Variants in RS1 observed in about 807,000 individuals in gnomAD.
RS1 encodes retinoschisin.
A neutral mutation model predicts 20.8 loss-of-function variants in RS1; 2 were observed. The ratio of observed to expected loss-of-function variants is 0.10; its 90% CI spans 0.04 to 0.30. The LOEUF (loss-of-function observed/expected upper bound fraction) is 0.30. Among genes scored for constraint, RS1 ranks in the 10% least tolerant of loss-of-function variants. The pLI is 1.00. For missense variants in RS1, 151 were observed against 189.8 expected (o/e 0.80, Z 1.20); for synonymous variants, 70 against 75.8 (o/e 0.92, Z 0.40).
At chrX:18,670,970 A>G (rs1231312180) in intron 1 of RS1, among the ~76,000 whole-genome samples, 2 of 111,987 alleles carry the variant, frequency 1.8e-5, no homozygotes, top group Non-Finnish European at 3.8e-5. Context: ...TCAGCCTGGG[A>G]AACATGGTGA....
intron 3 of RS1, among the ~76,000 whole-genome samples, chrX:18,648,246 CT>C (rs373474294): frequency 6.6e-5 from 7 of 106,203 alleles, no homozygotes; most frequent in South Asian, 8.3e-4. Context: ...CCTTCTTCTC[CT>C]TTTTTTTTTC....
chrX:18,648,116 C>T (rs752023192), intron 3 of RS1, among the ~76,000 whole-genome samples: 3 of 111,139 alleles, frequency 2.7e-5, no homozygotes, highest in South Asian at 3.9e-4. Flanking sequence ...GCAGGAGAAT[C>T]GCTTGAACCC....
At chrX:18,657,729 C>T (rs1426704233) in intron 1 of RS1, 64 bp from the exon 2 acceptor site, 89 of 907,402 alleles carry the variant, frequency 9.8e-5, no homozygotes, top group African/African-American at 9.8e-5. Context: ...CAGCATCACT[C>T]GTTACATGGA....
rs1927511144 is a variant in RS1 at position 18,640,054 on chromosome X, A to T, written c.*1950T>A. ...GGGTGCAGGATTTCTCTTTGGGGTG[A>T]TAAACTTTCTAAAATTGATCTAGTG... On this transcript the variant is annotated 3_prime_UTR_variant, in exon 6 of 6. Coordinates refer to ENST00000379984, the MANE Select transcript of RS1 (RefSeq NM_000330.4). 9.0e-6 allele frequency: 1 copy of T among 111,396 alleles called. No homozygotes were observed. The highest frequency in any genetic ancestry group is 3.3e-5 in the African/African-American group (1 of 30,559). 9.2% of individuals were successfully genotyped at this position (111,396 alleles called of 1,213,427 possible).
intron 4 of RS1, 46 bp from the exon 5 acceptor site, chrX:18,644,671 T>G (rs776962681): frequency 1.7e-6 from 2 of 1,174,257 alleles, no homozygotes; most frequent in East Asian, 6.0e-5. Flanking sequence ...CCTGTGCATG[T>G]CTGCAAAAAG....
chrX:18,642,398 A>G (rs1231602485), intron 5 of RS1, among the ~76,000 whole-genome samples: 1 of 111,882 alleles, frequency 8.9e-6, no homozygotes, highest in Non-Finnish European at 1.9e-5. Context: ...TTACACTTCA[A>G]TTAATTAAAA....
chrX:18,656,874 T>C (rs1928225449), intron 2 of RS1, 116 bp from the exon 3 acceptor site: 1 of 570,697 alleles, frequency 1.8e-6, no homozygotes, highest in African/African-American at 2.3e-5. Context: ...TTTGCTACAA[T>C]GGCCAAATTG....
At chrX:18,645,711 A>G (rs181778845) in intron 4 of RS1, among the ~76,000 whole-genome samples, 1 of 111,156 alleles carries the variant, frequency 9.0e-6, no homozygotes, top group Non-Finnish European at 1.9e-5. Flanking sequence ...TTTTCTTAAA[A>G]CACAAATGTG....
At chrX:18,650,328 T>C in intron 3 of RS1, 1 of 951,173 alleles carries the variant, frequency 1.1e-6, no homozygotes, top group Non-Finnish European at 1.5e-6. Flanking sequence ...CACTGTCACC[T>C]TGGCTTCAGC....
At chrX:18,650,029 G>T in intron 3 of RS1, 1 of 266,432 alleles carries the variant, frequency 3.8e-6, no homozygotes, top group South Asian at 4.1e-5. Context: ...GTAGGCAGAG[G>T]GGAAGGGAAA....
At chrX:18,662,161 A>G (rs1203300458) in intron 1 of RS1, among the ~76,000 whole-genome samples, 1 of 112,404 alleles carries the variant, frequency 8.9e-6, no homozygotes, top group Admixed American at 9.4e-5. Context: ...TGGACTTCCC[A>G]GCCTCCAGTA....
chrX:18,658,779 C>CA (rs1391260901), intron 1 of RS1, among the ~76,000 whole-genome samples: 27 of 94,917 alleles, frequency 2.8e-4, no homozygotes, highest in Non-Finnish European at 5.2e-4. Context: ...TTTATTAAAT[C>CA]TTCATCATCA....
intron 1 of RS1, among the ~76,000 whole-genome samples, chrX:18,663,360 T>C (rs1461569858): frequency 1.9e-5 from 1 of 53,454 alleles, no homozygotes; most frequent in African/African-American, 5.8e-5. Context: ...TTTTTTTTTT[T>C]TGAGACAGGG....
Position 18,644,607 on chromosome X carries a change from C to T in RS1, c.345G>A (p.Lys115=), listed in dbSNP as rs768571577. ...GTAACCACTGGCTACTGTCCTGGAACTTGGAGAGCCAGGCACACCTGCCGA... is the reference window on the plus strand; with the variant it reads ...GTAACCACTGGCTACTGTCCTGGAATTTGGAGAGCCAGGCACACCTGCCGA... ...SQGFGCAWLS[K]FQDSSQWLQI... The change falls in exon 5 of 6, where the codon AAG becomes AAA. Residue 115 remains lysine, a synonymous_variant. Coordinates refer to ENST00000379984, the MANE Select transcript of RS1 (RefSeq NM_000330.4). The T allele has an allele frequency of 8.3e-7, 1 of 1,211,545 alleles. No individual in the cohort carries two copies. The highest frequency in any genetic ancestry group is 1.8e-5 in the South Asian group (1 of 56,905).
chrX:18,661,039 A>C (rs914879620), intron 1 of RS1, among the ~76,000 whole-genome samples: 2 of 112,057 alleles, frequency 1.8e-5, no homozygotes, highest in Non-Finnish European at 3.8e-5. Context: ...GACCTTCTCA[A>C]GTAGCAATGA....
At chrX:18,649,934 T>C (rs1328300421) in intron 3 of RS1, 3 of 171,282 alleles carry the variant, frequency 1.8e-5, no homozygotes, top group African/African-American at 9.1e-5. Flanking sequence ...CCCTCCACTT[T>C]GAGCATTTGA....
intron 3 of RS1, among the ~76,000 whole-genome samples, chrX:18,651,605 C>G (rs1170745071): frequency 9.0e-6 from 1 of 111,116 alleles, no homozygotes; most frequent in East Asian, 2.9e-4. Flanking sequence ...GAGACGTCTG[C>G]CTTCCAATGG....
chrX:18,667,564 C>T (rs1206193672), intron 1 of RS1, among the ~76,000 whole-genome samples: 1 of 103,214 alleles, frequency 9.7e-6, no homozygotes, highest in Non-Finnish European at 2.0e-5. Context: ...AAAAAAAAAA[C>T]AGTGCCAGAT....
At chrX:18,645,778 C>T (rs992255923) in intron 4 of RS1, among the ~76,000 whole-genome samples, 2 of 110,699 alleles carry the variant, frequency 1.8e-5, no homozygotes, top group South Asian at 3.9e-4. Context: ...AATTATCACC[C>T]GATACTCCCT....
Sources: allele counts gnomAD v4.1 joint callset (sites outside exome capture counted in the v4.1 genomes callset), GRCh38; gene constraint gnomAD v4.1.1; transcripts MANE v1.5; gene names NCBI Gene and HGNC (gene_info 2026-07-23, HGNC 2026-07-21).